The following TMEM225B variants were observed in gnomAD, a reference collection of about 807,000 sequenced individuals.
TMEM225B encodes transmembrane protein 225B.
In TMEM225B, 10 loss-of-function variants were observed where a neutral mutation model predicts 16.9. The observed-to-expected ratio is 0.59, with a 90% CI of 0.36 to 1.00. The LOEUF is 1.00. Among genes scored for constraint, TMEM225B ranks in the 50% least tolerant of loss-of-function variants. The pLI is 0.01. For synonymous variants in TMEM225B, 92 were observed against 109.8 expected (o/e 0.84, Z 1.01); for missense variants, 217 against 267.0 (o/e 0.81, Z 1.30).
chr7:99,601,775 T>TG (rs1805383777), intron 2 of TMEM225B, among the ~76,000 whole-genome samples: 2 of 152,198 alleles, frequency 1.3e-5, no homozygotes, highest in Non-Finnish European at 2.9e-5. Flanking sequence ...CCATTAGGCT[T>TG]GTTCAGCCAT....
intron 5 of TMEM225B, among the ~76,000 whole-genome samples, chr7:99,608,013 G>C (rs564333496): frequency 1.3e-4 from 20 of 152,324 alleles, no homozygotes; most frequent in African/African-American, 4.1e-4. Flanking sequence ...CCAGTGCTTC[G>C]GGAGGCCGAG....
rs1278243368 is a variant in TMEM225B at position 99,610,686 on chromosome 7, A to T, written c.*121A>T. ...CTTTGAGGAGCTTCTTGCGTGTCAG[A>T]TCAACTCTCCACCTCCCCATACTCA... is the stretch of plus-strand genomic sequence containing the variant. On this transcript the variant is annotated 3_prime_UTR_variant, in exon 6 of 6. Coordinates refer to ENST00000431679, the MANE Select transcript of TMEM225B (RefSeq NM_001195541.3). 3 of 776,236 alleles carry T rather than the reference A, an allele frequency of 3.9e-6. No individual in the cohort carries two copies. The highest frequency in any genetic ancestry group is 2.7e-5 in the East Asian group (1 of 36,968). 48.1% of individuals were successfully genotyped at this position (776,236 alleles called of 1,614,324 possible). A position where few individuals can be genotyped will look rare whatever the true frequency, so the allele number is the denominator to read the frequency against.
rs1488064858 is a variant in TMEM225B at position 99,604,568 on chromosome 7, C to T, written c.180C>T (p.Ala60=). ...GCCTATTTGAGAACTGCTTCAATGC[C>T]AAATGCTGGAAGCCTCGACCCTTAT... ...FSGLFENCFN[A]KCWKPRPLSI... The change falls in exon 3 of 6, where the codon GCC becomes GCT. Residue 60 remains alanine, a synonymous_variant. Transcript: ENST00000431679. 1.3e-6 allele frequency: 2 copies of T among 1,535,924 alleles called. No individual in the cohort carries two copies. The highest frequency in any genetic ancestry group is 1.7e-6 in the Non-Finnish European group (2 of 1,146,858).
Position 99,606,763 on chromosome 7 carries a change from G to T in TMEM225B, c.224G>T (p.Gly75Val). ...PRPLSIYIIL[G>V]RVFLLSAVFL... ...TCCCCTGCAGTTTACATCATCCTCGGCCGGGTTTTCCTGCTCTCTGCAGTT... is the reference window on the plus strand; with the variant it reads ...TCCCCTGCAGTTTACATCATCCTCGTCCGGGTTTTCCTGCTCTCTGCAGTT... The change falls in exon 4 of 6, where the codon GGC (glycine) becomes GTC (valine). Residue 75 changes from glycine (G) to valine (V), a missense_variant. Gly to Val is a moderately radical substitution (Grantham distance 109). Transcript: ENST00000431679. 1 of 1,535,976 alleles carries T rather than the reference G, an allele frequency of 6.5e-7. No individual in the cohort carries two copies. The highest frequency in any genetic ancestry group is 1.4e-5 in the African/African-American group (1 of 73,126).
Position 99,608,716 on chromosome 7 carries a change from A to T in TMEM225B, c.493+906A>T, listed in dbSNP as rs867411387. 4.6e-3 allele frequency among the ~76,000 whole-genome samples: 535 copies of T among 116,284 alleles called. 3 individuals carry two copies. Among genetic ancestry groups the T allele is most frequent in the South Asian group, 0.019 (78 of 4,152 alleles). 76.3% of individuals were successfully genotyped at this position (116,284 alleles called of 152,430 possible). On this transcript the variant is annotated intron_variant, in intron 5 of 5. Coordinates refer to ENST00000431679, the MANE Select transcript of TMEM225B (RefSeq NM_001195541.3). ...CACCATGGCCAGCTAGTTAAAAAAA[A>T]ATATATATATATATATATACACACA...
intron 3 of TMEM225B, 28 bp downstream of exon 3, chr7:99,604,624 A>G: frequency 7.9e-6 from 12 of 1,512,190 alleles, no homozygotes; most frequent in African/African-American, 1.4e-5. Flanking sequence ...CGGGGAGGAG[A>G]GAGAGGGAGA....
chr7:99,598,665 C>CT (rs1034866376), intron 1 of TMEM225B, among the ~76,000 whole-genome samples: 1 of 152,212 alleles, frequency 6.6e-6, no homozygotes, highest in African/African-American at 2.4e-5. Context: ...TGACCCTACC[C>CT]TGGGTCAATG....
Position 99,606,762 on chromosome 7 carries a change from G to A in TMEM225B, c.223G>A (p.Gly75Ser), listed in dbSNP as rs1329894800. 14 of 1,535,880 alleles carry A rather than the reference G, an allele frequency of 9.1e-6. No homozygotes were observed. In the African/African-American group the frequency reaches 9.6e-5, roughly 11 times the overall value. The change falls in exon 4 of 6, where the codon GGC becomes AGC. Residue 75 changes from glycine (G) to serine (S), a missense_variant. By Grantham distance (56) the Gly-to-Ser change is moderately conservative. Transcript: ENST00000431679. ...PRPLSIYIIL[G>S]RVFLLSAVFL... The stretch of plus-strand genomic sequence containing the variant: ...CTCCCCTGCAGTTTACATCATCCTC[G>A]GCCGGGTTTTCCTGCTCTCTGCAGT...
At chr7:99,599,933 T>C (rs1562950209) in intron 1 of TMEM225B, among the ~76,000 whole-genome samples, 1 of 152,214 alleles carries the variant, frequency 6.6e-6, no homozygotes, top group South Asian at 2.1e-4. Context: ...CTATGACCTT[T>C]CAGTCTGGCC....
At position 99,606,907 on chromosome 7, in the gene TMEM225B, TA is replaced by T. The variant is rs963917774; in HGVS notation, c.355+14del. On this transcript the variant is annotated intron_variant, in intron 4 of 5. Coordinates refer to ENST00000431679, the MANE Select transcript of TMEM225B (RefSeq NM_001195541.3). ...AGCTTCTTCACAGGTGTGGAACAGCTAGGTGATCCCTGACCTTCGCTAGGGC... is the reference window on the plus strand; with the variant it reads ...AGCTTCTTCACAGGTGTGGAACAGCTGGTGATCCCTGACCTTCGCTAGGGC... 1.3e-5 allele frequency: 20 copies of T among 1,535,980 alleles called. No individual in the cohort carries two copies. Among genetic ancestry groups the T allele is most frequent in the Non-Finnish European group, 1.6e-5 (18 of 1,146,886 alleles).
intron 2 of TMEM225B, among the ~76,000 whole-genome samples, chr7:99,602,832 C>T (rs966765948): frequency 6.6e-6 from 1 of 152,200 alleles, no homozygotes; most frequent in Admixed American, 6.5e-5. Flanking sequence ...CCTGCCTCAT[C>T]CTCCCAAGTA....
chr7:99,604,277 T>C, intron 2 of TMEM225B, 109 bp from the exon 3 acceptor site: 2 of 697,526 alleles, frequency 2.9e-6, no homozygotes, highest in Non-Finnish European at 2.5e-6. Flanking sequence ...GTTTCACATA[T>C]GCGCCACACA....
chr7:99,599,555 GAAC>G (rs1395470765), intron 1 of TMEM225B, among the ~76,000 whole-genome samples: 2 of 152,080 alleles, frequency 1.3e-5, no homozygotes, highest in Non-Finnish European at 2.9e-5. Context: ...TCTCAAAAAA[GAAC>G]AACAACAAAA....
In TMEM225B at chr7:99,604,419, G is replaced by T; in HGVS notation, c.31G>T (p.Gly11Ter). 1 of 1,535,966 alleles carries T rather than the reference G, an allele frequency of 6.5e-7. No individual in the cohort carries two copies. The highest frequency in any genetic ancestry group is 8.7e-7 in the Non-Finnish European group (1 of 1,146,856). The change falls in exon 3 of 6, where the codon GGA (glycine) becomes TGA (stop). Residue 11 changes from glycine to a stop codon, truncating the protein, a stop_gained. Coordinates refer to ENST00000431679, the MANE Select transcript of TMEM225B (RefSeq NM_001195541.3). LOFTEE classifies it high-confidence loss of function. ...GACGTTAGAGGACAAGGACATGAAG[G>T]GATTCTCCTGGGCCATAGTCCCAGC... MLTLEDKDMK[G>*]FSWAIVPALT... is the part of the protein sequence containing the mutation.
chr7:99,603,043 A>G lies in TMEM225B; in HGVS notation c.-3-1343A>G, dbSNP rs1258600521. ...CCACAAAAGGAGACATCTTAGTGACAGATGGTGATGAAAGAGAAGATGGGT... is the reference window on the plus strand; with the variant it reads ...CCACAAAAGGAGACATCTTAGTGACGGATGGTGATGAAAGAGAAGATGGGT... On this transcript the variant is annotated intron_variant, in intron 2 of 5. Transcript: ENST00000431679. 2.0e-5 allele frequency among the ~76,000 whole-genome samples: 3 copies of G among 152,286 alleles called. No homozygotes were observed. The East Asian group carries it at 5.8e-4, about 29-fold the overall frequency.
intron 1 of TMEM225B, among the ~76,000 whole-genome samples, chr7:99,599,919 A>G (rs141443128): frequency 1.0e-3 from 155 of 152,320 alleles, no homozygotes; most frequent in African/African-American, 3.7e-3. Flanking sequence ...TTATATTCAA[A>G]TATCTATGAC....
At position 99,610,943 on chromosome 7, in the gene TMEM225B, G is replaced by A. The variant is rs774509966; in HGVS notation, c.*378G>A. ...ACCGTACAGAATACAGAATATACTC[G>A]GGGGAATGACAACTATTTGGGCTGG... is the stretch of plus-strand genomic sequence containing the variant. On this transcript the variant is annotated 3_prime_UTR_variant, in exon 6 of 6. Coordinates refer to ENST00000431679, the MANE Select transcript of TMEM225B (RefSeq NM_001195541.3). The A allele has an allele frequency of 7.2e-5, 12 of 166,078 alleles. No individual in the cohort carries two copies. The highest frequency in any genetic ancestry group is 1.3e-4 in the Non-Finnish European group (10 of 76,324). The allele number at this position is 166,078 out of a possible 1,614,324, so 10.3% of individuals were successfully genotyped here. A position where few individuals can be genotyped will look rare whatever the true frequency, so the allele number is the denominator to read the frequency against.
At chr7:99,600,108 G>A (rs985219123) in intron 1 of TMEM225B, 97 bp from the exon 2 acceptor site, 12 of 677,850 alleles carry the variant, frequency 1.8e-5, no homozygotes, top group East Asian at 1.6e-4. Context: ...ACAGATAAGG[G>A]GTAGTGCCCT....
chr7:99,607,849 G>A (rs540562808), intron 5 of TMEM225B, 39 bp downstream of exon 5: 23 of 1,527,434 alleles, frequency 1.5e-5, no homozygotes, highest in Admixed American at 1.2e-4. Flanking sequence ...TCTTGTCCTC[G>A]GTCTGGATTT....
Sources: allele counts gnomAD v4.1 joint callset (sites outside exome capture counted in the v4.1 genomes callset), GRCh38; gene constraint gnomAD v4.1.1; transcripts MANE v1.5; gene names NCBI Gene and HGNC (gene_info 2026-07-23, HGNC 2026-07-21).